The following SGSM3 variants were observed in gnomAD, a reference collection of about 807,000 sequenced individuals.
The protein encoded by SGSM3 is RUN and SH3 containing 3.
In SGSM3, 96 loss-of-function variants were observed where a neutral mutation model predicts 100.5. The observed-to-expected ratio is 0.96, with a 90% CI of 0.81 to 1.13. The LOEUF (loss-of-function observed/expected upper bound fraction) is 1.13. Among genes scored for constraint, SGSM3 ranks in the 50% most tolerant of loss-of-function variants. The pLI is 0.00. For missense variants in SGSM3, 1,001 were observed against 1,015.8 expected (o/e 0.99, Z 0.20); for synonymous variants, 483 against 422.8 (o/e 1.14, Z -1.75).
At chr22:40,396,632 A>T (rs975656085) in intron 1 of SGSM3, among the ~76,000 whole-genome samples, 2 of 147,838 alleles carry the variant, frequency 1.4e-5, no homozygotes, top group Admixed American at 6.7e-5. Flanking sequence ...ATTTTTGCTT[A>T]TGTTGCTTAC....
At chr22:40,396,060 C>G (rs971759183) in intron 1 of SGSM3, among the ~76,000 whole-genome samples, 3 of 152,150 alleles carry the variant, frequency 2.0e-5, no homozygotes, top group Admixed American at 2.0e-4. Context: ...AAAAGGTATT[C>G]ATATATTTTT....
At position 40,407,882 on chromosome 22, in the gene SGSM3, G is replaced by A; in HGVS notation, c.1579+39G>A. On this transcript the variant is annotated intron_variant, in intron 14 of 21. Coordinates refer to ENST00000248929, the MANE Select transcript of SGSM3 (RefSeq NM_015705.6). The surrounding 1 kb of genome is among the most constrained non-coding windows in gnomAD (Gnocchi z 4.7). ...TCTGCTCTTGAGCTGGGAGAGGGAG[G>A]AGGGGGTGGGCACAGAAGACTTGGG... 1 of 1,575,202 alleles carries A rather than the reference G, an allele frequency of 6.3e-7. No homozygotes were observed.
intron 1 of SGSM3, among the ~76,000 whole-genome samples, chr22:40,373,816 A>T (rs2046034706): frequency 6.6e-6 from 1 of 151,974 alleles, no homozygotes; most frequent in Non-Finnish European, 1.5e-5. Flanking sequence ...AGGTTTCACC[A>T]TGTTGGCCAG....
At chr22:40,372,133 T>C (rs1364781855) in intron 1 of SGSM3, among the ~76,000 whole-genome samples, 2 of 132,188 alleles carry the variant, frequency 1.5e-5, no homozygotes, top group African/African-American at 5.6e-5. Context: ...TTTTTTTTTT[T>C]TTTTTTTTTT....
chr22:40,375,666 A>ATT (rs34846503), intron 1 of SGSM3, among the ~76,000 whole-genome samples: 21 of 147,690 alleles, frequency 1.4e-4, no homozygotes, highest in Middle Eastern at 3.2e-3. Context: ...AAGACAGAGA[A>ATT]TTTTTTTTTT....
chr22:40,374,551 C>T (rs1055448848), intron 1 of SGSM3, among the ~76,000 whole-genome samples: 2 of 152,170 alleles, frequency 1.3e-5, no homozygotes, highest in African/African-American at 2.4e-5. Flanking sequence ...ACCACCTCAC[C>T]CCCATCTCCT....
At chr22:40,378,711 C>T (rs556875742) in intron 1 of SGSM3, among the ~76,000 whole-genome samples, 3 of 151,596 alleles carry the variant, frequency 2.0e-5, no homozygotes, top group Middle Eastern at 3.4e-3. Context: ...GGTGACAGAG[C>T]GAGACTCTGT....
chr22:40,394,253 T>C (rs1273788720), intron 1 of SGSM3, among the ~76,000 whole-genome samples: 1 of 152,166 alleles, frequency 6.6e-6, no homozygotes, highest in Non-Finnish European at 1.5e-5. Context: ...CAGTGTAACA[T>C]GGCCAAAGCA....
chr22:40,409,919 G>A lies in SGSM3; in HGVS notation c.*160G>A, dbSNP rs901985628. 10 of 1,410,898 alleles carry A rather than the reference G, an allele frequency of 7.1e-6. No homozygotes were observed. Among genetic ancestry groups the A allele is most frequent in the African/African-American group, 1.5e-5 (1 of 68,856 alleles). 87.4% of individuals were successfully genotyped at this position (1,410,898 alleles called of 1,614,324 possible). ...CGTTCCCCAGCACATCCCAGGTGGT[G>A]GGAGCAGAGGGTACCCTGCCCCACC... On this transcript the variant is annotated 3_prime_UTR_variant, in exon 22 of 22. Transcript: ENST00000248929.
Position 40,405,150 on chromosome 22 carries a change from GACCTGCTCCGCACCATGCCCAGCAAC to G in SGSM3, c.485_510del (p.Asp162GlyfsTer8), listed in dbSNP as rs1569206926. The G allele has an allele frequency of 2.0e-6, 3 of 1,530,568 alleles. No individual in the cohort carries two copies. Among genetic ancestry groups the G allele is most frequent in the Non-Finnish European group, 2.6e-6 (3 of 1,137,770 alleles). 94.8% of individuals were successfully genotyped at this position (1,530,568 alleles called of 1,614,324 possible). ...GATGGCTGCCTGACAGATCGAGAAGGACCTGCTCCGCACCATGCCCAGCAACGCCTGCTTCGCCAGCATGGGTAGCA... is the reference window on the plus strand; with the variant it reads ...GATGGCTGCCTGACAGATCGAGAAGGGCCTGCTTCGCCAGCATGGGTAGCA... On this transcript the variant is annotated frameshift_variant, in exon 7 of 22. Coordinates refer to ENST00000248929, the MANE Select transcript of SGSM3 (RefSeq NM_015705.6). LOFTEE classifies it high-confidence loss of function.
At chr22:40,393,000 G>C (rs916447822) in intron 1 of SGSM3, among the ~76,000 whole-genome samples, 2 of 152,214 alleles carry the variant, frequency 1.3e-5, no homozygotes, top group African/African-American at 4.8e-5. Context: ...TCATGTTGTA[G>C]CACATATCAG....
At chr22:40,401,752 C>A in intron 3 of SGSM3, 77 bp downstream of exon 3, 1 of 1,290,312 alleles carries the variant, frequency 7.8e-7, no homozygotes. Context: ...TGCAGGCTGC[C>A]CAGGAAGAGG....
At chr22:40,405,050 C>A in intron 6 of SGSM3, 91 bp from the exon 7 acceptor site, 1 of 1,432,252 alleles carries the variant, frequency 7.0e-7, no homozygotes, top group Non-Finnish European at 9.2e-7. Context: ...AAGGAATCCC[C>A]ATTTCTGGGG....
At chr22:40,376,218 G>A (rs1246879196) in intron 1 of SGSM3, 1 of 86,850 alleles carries the variant, frequency 1.2e-5, no homozygotes, top group Non-Finnish European at 2.3e-5. Flanking sequence ...TTTGTCTTTT[G>A]GAAACAGTAC....
At chr22:40,372,121 C>T (rs868532234) in intron 1 of SGSM3, among the ~76,000 whole-genome samples, 9 of 114,266 alleles carry the variant, frequency 7.9e-5, no homozygotes, top group Non-Finnish European at 1.5e-4. Flanking sequence ...GTCCCCCCCC[C>T]CTTTTTTTTT....
chr22:40,400,025 G>A lies in SGSM3; in HGVS notation c.-111-671G>A, dbSNP rs1050595467. Among the ~76,000 whole-genome samples the A allele has an allele frequency of 2.6e-5, 4 of 152,184 alleles. 1 individual carries two copies. The South Asian group carries it at 6.2e-4, about 24-fold the overall frequency. On this transcript the variant is annotated intron_variant, in intron 1 of 21. Transcript: ENST00000248929. ...ACTGGGATTTTCTCACAGCTCCTTT[G>A]AAGTGGTGGTTTGATTTTCCTCTTT...
In SGSM3 at chr22:40,402,151, G is replaced by A. The variant is rs779260609; in HGVS notation, c.103G>A (p.Ala35Thr). The change falls in exon 4 of 22, where the codon GCA (alanine) becomes ACA (threonine). Residue 35 changes from alanine to threonine, a missense_variant. Physicochemically the swap from Ala to Thr is moderately conservative, Grantham distance 58 (BLOSUM62 0). Coordinates refer to ENST00000248929, the MANE Select transcript of SGSM3 (RefSeq NM_015705.6). Reference sequence around the variant, plus strand: ...ATCCTGATTCTAGAAGGAAGAGTCAGCAGAGCAACCAGAGTTCTACTACGA... The same window carrying A: ...ATCCTGATTCTAGAAGGAAGAGTCAACAGAGCAACCAGAGTTCTACTACGA... ...LAKYTQKEESAEQPEFYYDEF... is the reference protein window; with the variant it reads ...LAKYTQKEESTEQPEFYYDEF... 2 of 1,613,854 alleles carry A rather than the reference G, an allele frequency of 1.2e-6. No individual in the cohort carries two copies. The highest frequency in any genetic ancestry group is 1.7e-6 in the Non-Finnish European group (2 of 1,179,702).
intron 1 of SGSM3, among the ~76,000 whole-genome samples, chr22:40,380,918 G>T (rs762689970): frequency 1.3e-4 from 20 of 152,198 alleles, no homozygotes; most frequent in Admixed American, 4.6e-4. Flanking sequence ...CTGGACAACA[G>T]AGCAAGACCC....
intron 18 of SGSM3, 38 bp downstream of exon 18, chr22:40,408,880 C>G: frequency 6.2e-7 from 1 of 1,613,974 alleles, no homozygotes; most frequent in Non-Finnish European, 8.5e-7. Flanking sequence ...AGAGACCTCT[C>G]TGGGGTTAGC....
Sources: allele counts gnomAD v4.1 joint callset (sites outside exome capture counted in the v4.1 genomes callset), GRCh38; gene constraint gnomAD v4.1.1; non-coding constraint Gnocchi (gnomAD v3.1); transcripts MANE v1.5; gene names NCBI Gene and HGNC (gene_info 2026-07-23, HGNC 2026-07-21).